Variants in CSGALNACT1 observed in about 807,000 individuals in gnomAD.
CSGALNACT1 encodes the protein chondroitin sulfate N-acetylgalactosaminyltransferase 1, also known as beta4GalNAcT-1.
In CSGALNACT1, 52 loss-of-function variants were observed where a neutral mutation model predicts 51.0. The observed-to-expected ratio is 1.02, with a 90% CI of 0.82 to 1.29. CSGALNACT1 has a LOEUF of 1.29. CSGALNACT1 is among the 50% of genes most tolerant of loss of function. CSGALNACT1 has a pLI of 0.00. For missense variants in CSGALNACT1, 935 were observed against 679.2 expected (o/e 1.38, Z -4.19); for synonymous variants, 341 against 254.4 (o/e 1.34, Z -3.24).
exon 5 of CSGALNACT1, chr8:19,458,487 T>A (rs750771269): frequency 6.2e-7 from 1 of 1,614,066 alleles, no homozygotes; most frequent in Admixed American, 1.7e-5. Flanking sequence ...ACGATAACAT[T>A]GATAAGCGTG....
Position 19,714,624 on chromosome 8 carries a change from T to G in CSGALNACT1, c.-297+43226A>C, listed in dbSNP as rs372674224. Among the ~76,000 whole-genome samples, 4 of 152,324 alleles carry G rather than the reference T, an allele frequency of 2.6e-5. No individual in the cohort carries two copies. In the East Asian group the frequency reaches 7.7e-4, roughly 29 times the overall value. On this transcript the variant is annotated intron_variant, in intron 1 of 1. Transcript: ENST00000517494. ...ATTTCTATTAACTCATTCATTCTTG[T>G]GCATTGCCTACCTTTTCTATTAGAG...
intron 4 of CSGALNACT1, among the ~76,000 whole-genome samples, chr8:19,464,187 C>G (rs2153831252): frequency 6.6e-6 from 1 of 152,324 alleles, no homozygotes; most frequent in Non-Finnish European, 1.5e-5. Flanking sequence ...TCTCCACATT[C>G]ATCCCTGCCT....
At chr8:19,669,283 T>C (rs1380793808) in intron 1 of CSGALNACT1, among the ~76,000 whole-genome samples, 4 of 152,344 alleles carry the variant, frequency 2.6e-5, no homozygotes, top group South Asian at 2.1e-4. Context: ...TCTATGTTTC[T>C]GGAAGCAAAC....
At chr8:19,516,063 C>A (rs1243933878) in intron 3 of CSGALNACT1, among the ~76,000 whole-genome samples, 1 of 152,150 alleles carries the variant, frequency 6.6e-6, no homozygotes, top group Non-Finnish European at 1.5e-5. Flanking sequence ...CTCTTGGTGC[C>A]GGTTCTCACC....
At chr8:19,700,510 C>T (rs17481438) in intron 1 of CSGALNACT1, among the ~76,000 whole-genome samples, 8,182 of 152,118 alleles carry the variant, frequency 0.054, 263 homozygotes, top group South Asian at 0.11. Flanking sequence ...AGAAAGGATA[C>T]GGACCGTATG....
At chr8:19,548,075 A>G (rs1248697786) in intron 3 of CSGALNACT1, among the ~76,000 whole-genome samples, 1 of 152,246 alleles carries the variant, frequency 6.6e-6, no homozygotes, top group Non-Finnish European at 1.5e-5. Context: ...AGCTGGAAGT[A>G]GACTATTATT....
At chr8:19,571,441 A>G (rs1385997230) in intron 3 of CSGALNACT1, among the ~76,000 whole-genome samples, 11 of 151,730 alleles carry the variant, frequency 7.2e-5, no homozygotes, top group Admixed American at 7.2e-4. Flanking sequence ...AAAGCAATTA[A>G]GAGTAGCCCC....
intron 3 of CSGALNACT1, among the ~76,000 whole-genome samples, chr8:19,565,588 T>C (rs1036835196): frequency 1.3e-5 from 2 of 152,178 alleles, no homozygotes; most frequent in East Asian, 1.9e-4. Flanking sequence ...GCTTCATTGG[T>C]TGTACTACTG....
intron 4 of CSGALNACT1, among the ~76,000 whole-genome samples, chr8:19,481,419 G>T (rs999789698): frequency 3.3e-5 from 5 of 152,132 alleles, no homozygotes; most frequent in Non-Finnish European, 7.3e-5. Flanking sequence ...TAACAAATGG[G>T]AAGGTGCTTA....
chr8:19,634,491 G>T (rs937828803), intron 1 of CSGALNACT1, among the ~76,000 whole-genome samples: 1 of 152,108 alleles, frequency 6.6e-6, no homozygotes, highest in Non-Finnish European at 1.5e-5. Context: ...ATGAGACCCT[G>T]TCTCTCCAAA....
intron 1 of CSGALNACT1, among the ~76,000 whole-genome samples, chr8:19,720,352 G>A (rs879755076): frequency 9.2e-5 from 14 of 152,128 alleles, no homozygotes; most frequent in Non-Finnish European, 1.3e-4. Flanking sequence ...TAAGAAACTC[G>A]GAGGAATAAT....
intron 1 of CSGALNACT1, among the ~76,000 whole-genome samples, chr8:19,703,286 G>A (rs944473364): frequency 2.6e-5 from 4 of 152,128 alleles, no homozygotes; most frequent in African/African-American, 9.7e-5. Context: ...AATAAGAACA[G>A]GCTGACCTCT....
chr8:19,618,744 G>C (rs1438314889), intron 1 of CSGALNACT1, among the ~76,000 whole-genome samples: 1 of 151,362 alleles, frequency 6.6e-6, no homozygotes, highest in Non-Finnish European at 1.5e-5. Context: ...AGAAACCACA[G>C]TTCAGACGGG....
intron 4 of CSGALNACT1, among the ~76,000 whole-genome samples, chr8:19,480,894 G>A (rs141828117): frequency 1.5e-4 from 23 of 152,176 alleles, no homozygotes; most frequent in African/African-American, 4.8e-4. Context: ...GTTTCCACCC[G>A]GCATCAACAC....
At chr8:19,540,012 A>T (rs1014315706) in intron 3 of CSGALNACT1, among the ~76,000 whole-genome samples, 3 of 152,188 alleles carry the variant, frequency 2.0e-5, no homozygotes, top group African/African-American at 7.2e-5. Context: ...TAGTTAGTGG[A>T]GGTTACCCAA....
chr8:19,493,698 C>T (rs1042166464), intron 4 of CSGALNACT1, among the ~76,000 whole-genome samples: 34 of 152,302 alleles, frequency 2.2e-4, no homozygotes, highest in African/African-American at 8.2e-4. Context: ...GCCAAATAAT[C>T]TTCTATTGCA....
At chr8:19,694,868 T>C (rs1465470933) in intron 1 of CSGALNACT1, among the ~76,000 whole-genome samples, 4 of 152,206 alleles carry the variant, frequency 2.6e-5, no homozygotes, top group Non-Finnish European at 1.5e-5. Context: ...AATGCACTAA[T>C]GCATAAGGTC....
chr8:19,744,463 C>T (rs1258812882), intron 1 of CSGALNACT1, among the ~76,000 whole-genome samples: 7 of 152,188 alleles, frequency 4.6e-5, no homozygotes, highest in African/African-American at 9.7e-5. Context: ...CCCTTATAAT[C>T]GTTTCAGCTA....
chr8:19,750,769 T>A lies in CSGALNACT1; in HGVS notation c.-297+7081A>T, dbSNP rs200533605. 2.9e-4 allele frequency among the ~76,000 whole-genome samples: 44 copies of A among 152,300 alleles called. No individual in the cohort carries two copies. The East Asian group carries it at 3.1e-3, about 11-fold the overall frequency. ...TGCAGTGTCTGGCAGAGTACCTTCATAGAACAGGTGCATAAAAATGTTTGA... is the reference window on the plus strand; with the variant it reads ...TGCAGTGTCTGGCAGAGTACCTTCAAAGAACAGGTGCATAAAAATGTTTGA... On this transcript the variant is annotated intron_variant, in intron 1 of 1. Transcript: ENST00000517494.
Sources: gnomAD v4.1 joint callset for allele counts (sites outside exome capture counted in the v4.1 genomes callset) on GRCh38, gnomAD v4.1.1 for gene constraint, MANE v1.5 for transcripts, NCBI Gene and HGNC (gene_info 2026-07-23, HGNC 2026-07-21) for gene names.